HTR2C: variants seen among roughly 807,000 people sequenced by gnomAD.
HTR2C encodes 5-hydroxytryptamine (serotonin) receptor 2C, G protein-coupled.
In HTR2C, 5 loss-of-function variants were observed where a neutral mutation model predicts 21.0. That is an observed-to-expected ratio of 0.24 (90% CI 0.12 to 0.50). The LOEUF (loss-of-function observed/expected upper bound fraction) is 0.50. Among genes scored for constraint, HTR2C ranks in the 20% least tolerant of loss-of-function variants. The pLI is 0.98. For synonymous variants in HTR2C, 150 were observed against 145.3 expected (o/e 1.03, Z -0.23); for missense variants, 271 against 371.2 (o/e 0.73, Z 2.22).
intron 5 of HTR2C, among the ~76,000 whole-genome samples, chrX:114,895,735 C>G (rs1362642223): frequency 9.0e-6 from 1 of 111,702 alleles, no homozygotes; most frequent in Non-Finnish European, 1.9e-5. Flanking sequence ...CGCCTGTAAT[C>G]CCAGCACTTT....
chrX:114,721,817 C>T (rs1221662345), intron 2 of HTR2C, among the ~76,000 whole-genome samples: 1 of 109,931 alleles, frequency 9.1e-6, no homozygotes, highest in Non-Finnish European at 1.9e-5. Flanking sequence ...TGTCAAAGAT[C>T]AGATAGTTGT....
intron 4 of HTR2C, among the ~76,000 whole-genome samples, chrX:114,787,129 C>G (rs2070183266): frequency 9.0e-6 from 1 of 111,529 alleles, no homozygotes. Flanking sequence ...TTCAAAGACC[C>G]AGACGAATCT....
Position 114,644,358 on chromosome X carries a change from AATAAATATATATATATATAT to A in HTR2C, c.-80+30481_-80+30500del, listed in dbSNP as rs1439984143. Among the ~76,000 whole-genome samples, 26 of 16,515 alleles carry A rather than the reference AATAAATATATATATATATAT, an allele frequency of 1.6e-3. 1 individual carries two copies. Among genetic ancestry groups the A allele is most frequent in the African/African-American group, 4.5e-3 (23 of 5,129 alleles). The allele number at this position is 16,515 out of a possible 115,157, so 14.3% of individuals were successfully genotyped here. On this transcript the variant is annotated intron_variant, in intron 2 of 5. Transcript: ENST00000276198. The stretch of plus-strand genomic sequence containing the variant: ...AGACTCCATCTAAAATAAATAAATA[AATAAATATATATATATATAT>A]ATATATATATATATATATATATATA...
At chrX:114,619,475 C>G (rs782357417) in intron 2 of HTR2C, among the ~76,000 whole-genome samples, 4 of 111,226 alleles carry the variant, frequency 3.6e-5, no homozygotes, top group Non-Finnish European at 7.5e-5. Context: ...TCCCTCACCC[C>G]CCTCATGAAT....
rs2071367550 is a variant in HTR2C, at chrX:114,905,779, G to C, written c.551-810G>C. On this transcript the variant is annotated intron_variant, in intron 5 of 5. Coordinates refer to ENST00000276198, the MANE Select transcript of HTR2C (RefSeq NM_000868.4). Reference sequence around the variant, plus strand: ...CTTCCAGATATCTTACTTATGCTCAGGCACAAGATCACCTTCTGCTCCCAC... The same window carrying C: ...CTTCCAGATATCTTACTTATGCTCACGCACAAGATCACCTTCTGCTCCCAC... 2.7e-5 allele frequency among the ~76,000 whole-genome samples: 3 copies of C among 111,572 alleles called. No individual in the cohort carries two copies. In the Admixed American group the frequency reaches 2.9e-4, roughly 11 times the overall value.
intron 5 of HTR2C, among the ~76,000 whole-genome samples, chrX:114,892,599 CAT>C (rs2071266362): frequency 9.0e-6 from 1 of 110,826 alleles, no homozygotes; most frequent in Admixed American, 9.6e-5. Context: ...AACACACAAA[CAT>C]AGATGGTATT....
chrX:114,853,465 C>T (rs1159878189), intron 5 of HTR2C, among the ~76,000 whole-genome samples: 1 of 111,526 alleles, frequency 9.0e-6, no homozygotes, highest in Non-Finnish European at 1.9e-5. Context: ...ATAAATCACA[C>T]ATATTTTTCT....
chrX:114,692,767 A>G lies in HTR2C; in HGVS notation c.-79-34091A>G, dbSNP rs150707147. On this transcript the variant is annotated intron_variant, in intron 2 of 5. Transcript: ENST00000276198. ...AATGCTGCCTACAAGATAAATTTGA[A>G]AAAATGAATTAACATACCAAACGTT... is the stretch of plus-strand genomic sequence containing the variant. Among the ~76,000 whole-genome samples, 336 of 112,091 alleles carry G rather than the reference A, an allele frequency of 3.0e-3. 5 individuals carry two copies. Among genetic ancestry groups the G allele is most frequent in the Admixed American group, 0.027 (280 of 10,433 alleles).
At chrX:114,778,452 T>A (rs1454787052) in intron 4 of HTR2C, among the ~76,000 whole-genome samples, 1 of 110,928 alleles carries the variant, frequency 9.0e-6, no homozygotes, top group African/African-American at 3.3e-5. Flanking sequence ...TATATTGAAG[T>A]TCACATGGTA....
intron 2 of HTR2C, among the ~76,000 whole-genome samples, chrX:114,715,026 C>A (rs1210509868): frequency 8.9e-6 from 1 of 112,113 alleles, no homozygotes; most frequent in Non-Finnish European, 1.9e-5. Context: ...TAACAAGATT[C>A]ATCTGGTACT....
At chrX:114,855,731 T>C (rs782583042) in intron 5 of HTR2C, among the ~76,000 whole-genome samples, 1 of 98,498 alleles carries the variant, frequency 1.0e-5, no homozygotes, top group East Asian at 3.5e-4. Context: ...AGGTACTTTT[T>C]CTCAAAGCAA....
intron 4 of HTR2C, among the ~76,000 whole-genome samples, chrX:114,830,575 T>C (rs951630637): frequency 9.0e-6 from 1 of 110,664 alleles, no homozygotes; most frequent in Non-Finnish European, 1.9e-5. Flanking sequence ...AGACTTTTAA[T>C]TGGTAACTTT....
chrX:114,677,975 G>C (rs921712075), intron 2 of HTR2C, among the ~76,000 whole-genome samples: 1 of 108,577 alleles, frequency 9.2e-6, no homozygotes, highest in Non-Finnish European at 1.9e-5. Flanking sequence ...CTATTTTCTC[G>C]AGCTTTCGTG....
At chrX:114,779,352 C>A (rs1556439936) in intron 4 of HTR2C, among the ~76,000 whole-genome samples, 1 of 111,446 alleles carries the variant, frequency 9.0e-6, no homozygotes, top group African/African-American at 3.3e-5. Context: ...TAGTATGTGG[C>A]AGAACAGGTA....
intron 2 of HTR2C, among the ~76,000 whole-genome samples, chrX:114,622,931 C>T (rs1194645174): frequency 9.0e-6 from 1 of 111,621 alleles, no homozygotes; most frequent in Admixed American, 9.6e-5. Context: ...TAAATACTGG[C>T]TAACCATGAG....
At chrX:114,728,854 T>C in intron 3 of HTR2C, among the ~76,000 whole-genome samples, 1 of 112,119 alleles carries the variant, frequency 8.9e-6, no homozygotes, top group Non-Finnish European at 1.9e-5. Flanking sequence ...TAGAGACATA[T>C]GAATGAATTT....
chrX:114,808,429 G>A (rs1171956839), intron 4 of HTR2C, among the ~76,000 whole-genome samples: 1 of 111,449 alleles, frequency 9.0e-6, no homozygotes, highest in African/African-American at 3.3e-5. Context: ...AACAAATATG[G>A]GAGTGCAGAT....
chrX:114,890,117 A>G (rs782335867), intron 5 of HTR2C, among the ~76,000 whole-genome samples: 3 of 112,066 alleles, frequency 2.7e-5, no homozygotes, highest in African/African-American at 9.7e-5. Context: ...TGCAATTTCA[A>G]TTCCACTATT....
At chrX:114,720,903 G>A (rs369992864) in intron 2 of HTR2C, among the ~76,000 whole-genome samples, 4 of 96,450 alleles carry the variant, frequency 4.1e-5, no homozygotes, top group East Asian at 3.5e-4. Context: ...CATTTTCTTA[G>A]TCCAGTCTAT....
Sources: allele counts gnomAD v4.1 joint callset (sites outside exome capture counted in the v4.1 genomes callset), GRCh38; gene constraint gnomAD v4.1.1; transcripts MANE v1.5; gene names NCBI Gene and HGNC (gene_info 2026-07-23, HGNC 2026-07-21).